Variants in OR51G2 observed in about 807,000 individuals in gnomAD.
OR51G2 encodes the protein olfactory receptor family 51 subfamily G member 2, also known as olfactory receptor 51G2.
A neutral mutation model predicts 11.8 loss-of-function variants in OR51G2; 13 were observed. The ratio of observed to expected loss-of-function variants is 1.10; its 90% CI spans 0.72 to 1.76. The LOEUF is 1.76. OR51G2 is among the 40% of genes most tolerant of loss of function. The probability of loss-of-function intolerance (pLI) is 0.00; values close to 1 mark genes in which losing one functional copy is unlikely to be tolerated. For missense variants in OR51G2, 474 were observed against 394.4 expected, an observed-to-expected ratio of 1.20 and a Z score of -1.71; for synonymous variants, 178 against 151.9, an observed-to-expected ratio of 1.17 and a Z score of -1.26.
chr11:4,914,888 G>A lies in OR51G2; in HGVS notation c.776C>T (p.Pro259Leu), dbSNP rs146980828. 1 of 1,614,012 alleles carries A rather than the reference G, an allele frequency of 6.2e-7. No individual in the cohort carries two copies. The highest frequency in any genetic ancestry group is 1.7e-5 in the Admixed American group (1 of 59,992). ...ATGGATGACAGAGAGGCCAATCATG[G>A]GAGTGTAGAAGAGCAGCACAGCACA... ...HICAVLLFYT[P>L]MIGLSVIHRF... Residue 259 changes from proline to leucine, a missense_variant, in exon 2 of 2, where the codon CCC becomes CTC. Coordinates refer to ENST00000641926, the MANE Select transcript of OR51G2 (RefSeq NM_001005238.2).
At position 4,914,671 on chromosome 11, in the gene OR51G2, C is replaced by T; in HGVS notation, c.*48G>A. ...CATGTTAGAAATTATAAAGGATAGG[C>T]AAACAAGGGCACGTTTCAGGAGACA... On this transcript the variant is annotated 3_prime_UTR_variant, in exon 2 of 2. Transcript: ENST00000641926. The T allele has an allele frequency of 7.6e-7, 1 of 1,310,896 alleles. No homozygotes were observed. The highest frequency in any genetic ancestry group is 1.1e-6 in the Non-Finnish European group (1 of 931,558). 81.2% of individuals were successfully genotyped at this position (1,310,896 alleles called of 1,614,324 possible). A position where few individuals can be genotyped will look rare whatever the true frequency, so the allele number is the denominator to read the frequency against.
chr11:4,915,124 T>C lies in OR51G2; in HGVS notation c.540A>G (p.Ser180=), dbSNP rs1278586147. Residue 180 remains serine (S), a synonymous_variant, in exon 2 of 2, where the codon TCA becomes TCG. Coordinates refer to ENST00000641926, the MANE Select transcript of OR51G2 (RefSeq NM_001005238.2). Reference sequence around the variant, plus strand: ...CTTCTTGGTGGAGACAATAAGAATGTGAGAGAACTGGGGAGCCACAATAGG... The same window carrying C: ...CTTCTTGGTGGAGACAATAAGAATGCGAGAGAACTGGGGAGCCACAATAGG... ...RFPYCGSPVL[S]HSYCLHQEVM... is the part of the protein sequence containing the mutation. 1 of 1,613,854 alleles carries C rather than the reference T, an allele frequency of 6.2e-7. No homozygotes were observed. The highest frequency in any genetic ancestry group is 2.2e-5 in the East Asian group (1 of 44,830).
rs1457597388 is a variant in OR51G2, at chr11:4,919,169, G to A, written c.-77+8C>T. On this transcript the variant is annotated splice_region_variant and intron_variant, in intron 1 of 1. Transcript: ENST00000641926. ...ATGAAGCCAGCAAAATCTGACTGTA[G>A]CATTTACCATCCTTAGCAGGTGCTC... is the stretch of plus-strand genomic sequence containing the variant. The A allele has an allele frequency of 1.3e-5, 2 of 152,222 alleles. No homozygotes were observed. Among genetic ancestry groups the A allele is most frequent in the Non-Finnish European group, 2.9e-5 (2 of 68,070 alleles). The allele number at this position is 152,222 out of a possible 1,614,324, so 9.4% of individuals were successfully genotyped here. A position where few individuals can be genotyped will look rare whatever the true frequency, so the allele number is the denominator to read the frequency against.
chr11:4,913,406 A>G lies in OR51G2; in HGVS notation c.*1313T>C, dbSNP rs1016678931. The G allele has an allele frequency of 6.6e-6, 1 of 152,214 alleles. No individual in the cohort carries two copies. Among genetic ancestry groups the G allele is most frequent in the African/African-American group, 2.4e-5 (1 of 41,444 alleles). 9.4% of individuals were successfully genotyped at this position (152,214 alleles called of 1,614,324 possible). On this transcript the variant is annotated 3_prime_UTR_variant, in exon 2 of 2. Transcript: ENST00000641926. ...TTCTTAATCTGCACTAAAACCATGC[A>G]GGAACATGACATTCTCATGCTTCTC...
chr11:4,916,750 A>G (rs1424701472), intron 1 of OR51G2, among the ~76,000 whole-genome samples: 2 of 152,190 alleles, frequency 1.3e-5, no homozygotes, highest in African/African-American at 4.8e-5. Context: ...CTAGAGTAAG[A>G]CATCAAAGCC....
chr11:4,918,101 A>G (rs1022825519), intron 1 of OR51G2, among the ~76,000 whole-genome samples: 27 of 152,036 alleles, frequency 1.8e-4, no homozygotes, highest in African/African-American at 6.0e-4. Context: ...AAAAATTTGC[A>G]AGTTAGTATT....
chr11:4,918,253 AT>A (rs1172283192), intron 1 of OR51G2, among the ~76,000 whole-genome samples: 1 of 152,096 alleles, frequency 6.6e-6, no homozygotes, highest in Non-Finnish European at 1.5e-5. Context: ...AGTTGGAAAA[AT>A]TTTGGTTAAC....
Position 4,919,284 on chromosome 11 carries a change from A to C in OR51G2, c.-184T>G, listed in dbSNP as rs544365252. On this transcript the variant is annotated 5_prime_UTR_variant, in exon 1 of 2. Transcript: ENST00000641926. ...TTCTGGGATCTTTTCTTGGCTCTAC[A>C]CTCAGCATCAAACACCTGGCTACTA... 13 of 152,300 alleles carry C rather than the reference A, an allele frequency of 8.5e-5. No homozygotes were observed. The highest frequency in any genetic ancestry group is 7.2e-4 in the Admixed American group (11 of 15,288). 9.4% of individuals were successfully genotyped at this position (152,300 alleles called of 1,614,324 possible).
At position 4,914,231 on chromosome 11, in the gene OR51G2, A is replaced by G. The variant is rs1589937223; in HGVS notation, c.*488T>C. On this transcript the variant is annotated 3_prime_UTR_variant, in exon 2 of 2. Transcript: ENST00000641926. ...GCTGAGCCTACTGGATGGAACACCT[A>G]CATGGGCCTTCTCCACGTCGCCTGG... 6.3e-6 allele frequency: 1 copy of G among 158,468 alleles called. No individual in the cohort carries two copies. Among genetic ancestry groups the G allele is most frequent in the Non-Finnish European group, 1.4e-5 (1 of 71,956 alleles). The allele number at this position is 158,468 out of a possible 1,614,324, so 9.8% of individuals were successfully genotyped here.
At chr11:4,916,649 C>T (rs10500626) in intron 1 of OR51G2, among the ~76,000 whole-genome samples, 14,162 of 152,188 alleles carry the variant, frequency 0.093, 846 homozygotes, top group Middle Eastern at 0.2. Context: ...TTAGCCTTGT[C>T]CAAGTAGCTC....
At chr11:4,918,369 T>C (rs535606141) in intron 1 of OR51G2, among the ~76,000 whole-genome samples, 3 of 152,274 alleles carry the variant, frequency 2.0e-5, no homozygotes, top group Non-Finnish European at 2.9e-5. Context: ...TTTTTTCCTA[T>C]AAACTCAAGA....
rs7108653 is a variant in OR51G2, at chr11:4,917,635, G to A, written c.-77+1542C>T. Among the ~76,000 whole-genome samples, 1,476 of 152,256 alleles carry A rather than the reference G, an allele frequency of 9.7e-3. 28 individuals carry two copies. Among genetic ancestry groups the A allele is most frequent in the African/African-American group, 0.034 (1,404 of 41,548 alleles). ...GTGCTCCTCAGCTTCTGCTGTGGCC[G>A]TGATCAGTGGTTACCACATTACATA... On this transcript the variant is annotated intron_variant, in intron 1 of 1. Coordinates refer to ENST00000641926, the MANE Select transcript of OR51G2 (RefSeq NM_001005238.2).
At chr11:4,917,379 C>T (rs1851112462) in intron 1 of OR51G2, among the ~76,000 whole-genome samples, 1 of 152,148 alleles carries the variant, frequency 6.6e-6, no homozygotes. Flanking sequence ...AGGATATAAA[C>T]AATGATTACT....
Position 4,912,723 on chromosome 11 carries a change from C to G in OR51G2, c.*1996G>C, listed in dbSNP as rs1851010054. On this transcript the variant is annotated 3_prime_UTR_variant, in exon 2 of 2. Coordinates refer to ENST00000641926, the MANE Select transcript of OR51G2 (RefSeq NM_001005238.2). Reference sequence around the variant, plus strand: ...GAGTTACGTAACAGGCAGCTATAACCTAGGCAGCTGTAATCTTTGTTTCTC... The same window carrying G: ...GAGTTACGTAACAGGCAGCTATAACGTAGGCAGCTGTAATCTTTGTTTCTC... 1 of 152,090 alleles carries G rather than the reference C, an allele frequency of 6.6e-6. No homozygotes were observed. The highest frequency in any genetic ancestry group is 6.6e-5 in the Admixed American group (1 of 15,260). The allele number at this position is 152,090 out of a possible 1,614,324, so 9.4% of individuals were successfully genotyped here. A position where few individuals can be genotyped will look rare whatever the true frequency, so the allele number is the denominator to read the frequency against.
In OR51G2 at chr11:4,915,323, A is replaced by G. The variant is rs1851065689; in HGVS notation, c.341T>C (p.Phe114Ser). The change falls in exon 2 of 2, where the codon TTC becomes TCC. Residue 114 changes from phenylalanine to serine, a missense_variant. By Grantham distance (155) the Phe-to-Ser change is radical (BLOSUM62 -2). Transcript: ENST00000641926. ...AQLFFIHCFS[F>S]LESSVLLSMA... ...AGACAGTAGCACAGAGGACTCGAGG[A>G]AGGAGAAGCAGTGAATGAAAAAGAG... The G allele has an allele frequency of 1.2e-6, 2 of 1,614,022 alleles. No individual in the cohort carries two copies. The highest frequency in any genetic ancestry group is 1.7e-6 in the Non-Finnish European group (2 of 1,179,988).
In OR51G2 at chr11:4,914,629, G is replaced by T; in HGVS notation, c.*90C>A. 1.2e-6 allele frequency: 1 copy of T among 850,194 alleles called. No homozygotes were observed. Among genetic ancestry groups the T allele is most frequent in the Non-Finnish European group, 1.8e-6 (1 of 543,296 alleles). 52.7% of individuals were successfully genotyped at this position (850,194 alleles called of 1,614,324 possible). Reference sequence around the variant, plus strand: ...GTACATGTTTGTTGAGTAAGTAAATGTCTCCTTTATTTTATGCATGTTAGA... The same window carrying T: ...GTACATGTTTGTTGAGTAAGTAAATTTCTCCTTTATTTTATGCATGTTAGA... On this transcript the variant is annotated 3_prime_UTR_variant, in exon 2 of 2. Coordinates refer to ENST00000641926, the MANE Select transcript of OR51G2 (RefSeq NM_001005238.2).
At position 4,914,707 on chromosome 11, in the gene OR51G2, C is replaced by T; in HGVS notation, c.*12G>A. 6.3e-7 allele frequency: 1 copy of T among 1,589,052 alleles called. No individual in the cohort carries two copies. Among genetic ancestry groups the T allele is most frequent in the Non-Finnish European group, 8.6e-7 (1 of 1,159,754 alleles). On this transcript the variant is annotated 3_prime_UTR_variant, in exon 2 of 2. Coordinates refer to ENST00000641926, the MANE Select transcript of OR51G2 (RefSeq NM_001005238.2). ...ACGTTTCAGGAGACAGTGGCTCTAA[C>T]ACTAGACACAGTTAGTAACAAAAGG... is the stretch of plus-strand genomic sequence containing the variant.
rs188382359 is a variant in OR51G2 at position 4,917,594 on chromosome 11, T to C, written c.-77+1583A>G. 9.8e-5 allele frequency among the ~76,000 whole-genome samples: 15 copies of C among 152,332 alleles called. No individual in the cohort carries two copies. In the East Asian group the frequency reaches 2.9e-3, roughly 29 times the overall value. On this transcript the variant is annotated intron_variant, in intron 1 of 1. Coordinates refer to ENST00000641926, the MANE Select transcript of OR51G2 (RefSeq NM_001005238.2). The stretch of plus-strand genomic sequence containing the variant: ...TAACTCACTGTCCACCTGAAGATCA[T>C]ATAGGCTCTCACACCGTGCTCCTCA...
rs2133574836 is a variant in OR51G2 at position 4,915,493 on chromosome 11, C to G, written c.171G>C (p.Glu57Asp). The G allele has an allele frequency of 1.9e-6, 3 of 1,614,092 alleles. No homozygotes were observed. The highest frequency in any genetic ancestry group is 4.5e-5 in the East Asian group (2 of 44,832). The change falls in exon 2 of 2, where the codon GAG (glutamate) becomes GAC (aspartate). Residue 57 changes from glutamate to aspartate, a missense_variant. Physicochemically the swap from Glu to Asp is conservative, Grantham distance 45 (BLOSUM62 2). Coordinates refer to ENST00000641926, the MANE Select transcript of OR51G2 (RefSeq NM_001005238.2). ...NCTILFIIKT[E>D]RSLHEPMYLF... is the part of the protein sequence containing the mutation. ...GATACATAGGTTCATGAAGTGAGCG[C>G]TCTGTTTTAATGATAAAAAGAATTG...
Sources: gnomAD v4.1 joint callset for allele counts (sites outside exome capture counted in the v4.1 genomes callset) on GRCh38, gnomAD v4.1.1 for gene constraint, MANE v1.5 for transcripts, NCBI Gene and HGNC (gene_info 2026-07-23, HGNC 2026-07-21) for gene names.